PRDM16: variants seen among roughly 807,000 people sequenced by gnomAD.
PRDM16 encodes the protein PR/SET domain 16.
In PRDM16, 23 loss-of-function variants were observed where a neutral mutation model predicts 110.6. That is an observed-to-expected ratio of 0.21 (90% CI 0.15 to 0.29). The LOEUF (loss-of-function observed/expected upper bound fraction) is 0.29, where lower values mean the gene tolerates loss of function less well. Ranked by LOEUF, PRDM16 falls within the 10% of genes least tolerant of loss-of-function variation. The pLI is 1.00. For missense variants in PRDM16, 1,615 were observed against 1,794.3 expected, an observed-to-expected ratio of 0.90 and a Z score of 1.81; for synonymous variants, 799 against 781.8, an observed-to-expected ratio of 1.02 and a Z score of -0.37.
Position 3,207,990 on chromosome 1 carries a change from G to A in PRDM16, c.387+21516G>A, listed in dbSNP as rs559629053. On this transcript the variant is annotated intron_variant, in intron 2 of 16. Coordinates refer to ENST00000270722, the MANE Select transcript of PRDM16 (RefSeq NM_022114.4). ...CGGCCGCCTGTCCGCGTGGCATCCT[G>A]AAGAAATCACTGCATCTTCCTGTGC... 508 of 152,498 alleles carry A rather than the reference G, an allele frequency of 3.3e-3. 1 individual carries two copies. Among genetic ancestry groups the A allele is most frequent in the South Asian group, 0.014 (68 of 4,826 alleles). 9.4% of individuals were successfully genotyped at this position (152,498 alleles called of 1,614,324 possible).
chr1:3,351,896 G>A (rs1642502845), intron 3 of PRDM16, among the ~76,000 whole-genome samples: 1 of 151,378 alleles, frequency 6.6e-6, no homozygotes, highest in Non-Finnish European at 1.5e-5. Context: ...GGTATGGAAG[G>A]GAGAGCTGGG....
At chr1:3,156,078 C>T (rs1440140257) in intron 1 of PRDM16, among the ~76,000 whole-genome samples, 3 of 152,118 alleles carry the variant, frequency 2.0e-5, no homozygotes, top group Non-Finnish European at 4.4e-5. Flanking sequence ...AAATTCATCA[C>T]CGATATTCTT....
At chr1:3,337,484 G>A (rs1300237131) in intron 3 of PRDM16, among the ~76,000 whole-genome samples, 1 of 152,178 alleles carries the variant, frequency 6.6e-6, no homozygotes, top group African/African-American at 2.4e-5. Flanking sequence ...GGGATCTTGT[G>A]GGTTAGAGTA....
chr1:3,112,450 G>A (rs1406012609), intron 1 of PRDM16, among the ~76,000 whole-genome samples: 2 of 152,204 alleles, frequency 1.3e-5, no homozygotes, highest in Non-Finnish European at 2.9e-5. Context: ...GAGGAGCCCC[G>A]CGCTTGCACA....
intron 2 of PRDM16, among the ~76,000 whole-genome samples, chr1:3,217,464 G>A (rs1454412928): frequency 6.6e-6 from 1 of 152,244 alleles, no homozygotes; most frequent in African/African-American, 2.4e-5. Context: ...GTTTGGGCCA[G>A]GTCAGAACTC....
rs543647933 is a variant in PRDM16, at chr1:3,390,164, G to A, written c.573+4878G>A. Among the ~76,000 whole-genome samples, 9 of 152,314 alleles carry A rather than the reference G, an allele frequency of 5.9e-5. No individual in the cohort carries two copies. Among genetic ancestry groups the A allele is most frequent in the African/African-American group, 1.2e-4 (5 of 41,562 alleles). On this transcript the variant is annotated intron_variant, in intron 4 of 16. Coordinates refer to ENST00000270722, the MANE Select transcript of PRDM16 (RefSeq NM_022114.4). This position sits in a 1 kb window ranked among gnomAD's most constrained non-coding sequence, Gnocchi z 5.0. ...CGATGAAGCGCCTGCGGGGGGATGC[G>A]GGAGGCAGGGAGGAGCTGTCACAGC...
At chr1:3,405,773 C>T (rs577134367) in intron 8 of PRDM16, 125 bp downstream of exon 8, 321 of 981,134 alleles carry the variant, frequency 3.3e-4, no homozygotes, top group Non-Finnish European at 4.4e-4. Context: ...TCATAAAGCA[C>T]TCATGGCAGG....
Position 3,221,415 on chromosome 1 carries a change from G to A in PRDM16, c.388-22672G>A, listed in dbSNP as rs986509992. 2.0e-5 allele frequency among the ~76,000 whole-genome samples: 3 copies of A among 152,340 alleles called. No individual in the cohort carries two copies. In the East Asian group the frequency reaches 5.8e-4, roughly 29 times the overall value. ...TTTCCAGAAGATGCAAAAGCTGCTTGGATTTGCTGTGTTTGCACAAATGAC... is the reference window on the plus strand; with the variant it reads ...TTTCCAGAAGATGCAAAAGCTGCTTAGATTTGCTGTGTTTGCACAAATGAC... On this transcript the variant is annotated intron_variant, in intron 2 of 16. Coordinates refer to ENST00000270722, the MANE Select transcript of PRDM16 (RefSeq NM_022114.4).
At chr1:3,073,105 C>T (rs935506385) in intron 1 of PRDM16, among the ~76,000 whole-genome samples, 64 of 152,194 alleles carry the variant, frequency 4.2e-4, no homozygotes, top group African/African-American at 1.4e-3. Flanking sequence ...CCCCTCCTGG[C>T]CCCGAGGCTT....
chr1:3,185,453 T>C (rs1043119768), intron 1 of PRDM16, among the ~76,000 whole-genome samples: 2 of 151,864 alleles, frequency 1.3e-5, no homozygotes, highest in Non-Finnish European at 2.9e-5. Flanking sequence ...GGCTGTGGCC[T>C]AAGTGCAGGG....
chr1:3,382,588 G>A lies in PRDM16; in HGVS notation c.439-2564G>A, dbSNP rs1643121334. Among the ~76,000 whole-genome samples, 1 of 152,310 alleles carries A rather than the reference G, an allele frequency of 6.6e-6. No homozygotes were observed. Among genetic ancestry groups the A allele is most frequent in the Middle Eastern group, 3.4e-3 (1 of 294 alleles). ...AGCCAGCCGGGGCCCAGAACAGGGG[G>A]AAGGTGTTGGCTGAGCCCATGTCTT... On this transcript the variant is annotated intron_variant, in intron 3 of 16. Transcript: ENST00000270722. This position sits in a 1 kb window ranked among gnomAD's most constrained non-coding sequence, Gnocchi z 6.6.
At chr1:3,132,039 G>C (rs1354107321) in intron 1 of PRDM16, among the ~76,000 whole-genome samples, 1 of 152,190 alleles carries the variant, frequency 6.6e-6, no homozygotes, top group Non-Finnish European at 1.5e-5. Context: ...ATTCGGAGGA[G>C]AGAGTTCTTT....
Position 3,265,547 on chromosome 1 carries a change from CA to C in PRDM16, c.438+21411del, listed in dbSNP as rs1176415332. On this transcript the variant is annotated intron_variant, in intron 3 of 16. Transcript: ENST00000270722. The surrounding 1 kb of genome is among the most constrained non-coding windows in gnomAD (Gnocchi z 4.5). ...GCAGGGATGTGTGACTCAAGGGACCCATCCGAGGTTCATGGGAAGAGGAGAA... is the reference window on the plus strand; with the variant it reads ...GCAGGGATGTGTGACTCAAGGGACCCTCCGAGGTTCATGGGAAGAGGAGAA... 6.6e-6 allele frequency among the ~76,000 whole-genome samples: 1 copy of C among 152,054 alleles called. No homozygotes were observed. Among genetic ancestry groups the C allele is most frequent in the African/African-American group, 2.4e-5 (1 of 41,380 alleles).
In PRDM16 at chr1:3,358,331, C is replaced by T. The variant is rs907599946; in HGVS notation, c.439-26821C>T. ...TCCTGAACTGGGTCTTCTCTGGATG[C>T]GAGACCTTCCCCCTGGCTGAGGGTG... is the stretch of plus-strand genomic sequence containing the variant. On this transcript the variant is annotated intron_variant, in intron 3 of 16. Transcript: ENST00000270722. This position sits in a 1 kb window ranked among gnomAD's most constrained non-coding sequence, Gnocchi z 4.0. Among the ~76,000 whole-genome samples, 3 of 152,194 alleles carry T rather than the reference C, an allele frequency of 2.0e-5. No homozygotes were observed. The highest frequency in any genetic ancestry group is 2.9e-5 in the Non-Finnish European group (2 of 68,030).
chr1:3,229,481 A>G (rs1569883976), intron 2 of PRDM16, among the ~76,000 whole-genome samples: 1 of 152,166 alleles, frequency 6.6e-6, no homozygotes. Flanking sequence ...TGACCTTGTC[A>G]TGTTTGTTGA....
chr1:3,335,641 A>ACACACC (rs763183715), intron 3 of PRDM16, among the ~76,000 whole-genome samples: 28 of 146,510 alleles, frequency 1.9e-4, no homozygotes, highest in African/African-American at 5.2e-4. Flanking sequence ...ACACACACAC[A>ACACACC]CCCTTGGACA....
intron 1 of PRDM16, among the ~76,000 whole-genome samples, chr1:3,072,532 G>A (rs1641790239): frequency 6.6e-6 from 1 of 152,212 alleles, no homozygotes; most frequent in Non-Finnish European, 1.5e-5. Context: ...GTGTTTGAGG[G>A]TGATGCGTGT....
chr1:3,211,315 T>C (rs1638877172), intron 2 of PRDM16, among the ~76,000 whole-genome samples: 2 of 152,198 alleles, frequency 1.3e-5, no homozygotes, highest in African/African-American at 2.4e-5. Context: ...AGTAGACCGA[T>C]TGAAAATAAG....
At position 3,076,501 on chromosome 1, in the gene PRDM16, C is replaced by T. The variant is rs1450177838; in HGVS notation, c.37+7205C>T. ...GAGTGGCTCAGGGAAAGCGTCAGGG[C>T]ATGCAGGAGCAGGGACACATGGGCT... On this transcript the variant is annotated intron_variant, in intron 1 of 16. Transcript: ENST00000270722. Among the ~76,000 whole-genome samples, 5 of 152,342 alleles carry T rather than the reference C, an allele frequency of 3.3e-5. 1 individual carries two copies. The highest frequency in any genetic ancestry group is 3.3e-4 in the Admixed American group (5 of 15,304).
Sources: gnomAD v4.1 joint callset for allele counts (sites outside exome capture counted in the v4.1 genomes callset) on GRCh38, gnomAD v4.1.1 for gene constraint, Gnocchi (gnomAD v3.1) non-coding constraint, MANE v1.5 for transcripts, NCBI Gene and HGNC (gene_info 2026-07-23, HGNC 2026-07-21) for gene names.